Variants in STRIP1 observed in about 807,000 individuals in gnomAD.
STRIP1 encodes the protein striatin-interacting protein 1.
STRIP1 carries 63 observed loss-of-function variants against 106.2 expected under a neutral mutation model. That is an observed-to-expected ratio of 0.59 (90% CI 0.48 to 0.73). The LOEUF is 0.73. STRIP1 is among the 30% of genes least tolerant of loss of function. STRIP1 has a pLI of 0.00. For synonymous variants in STRIP1, 390 were observed against 413.0 expected (o/e 0.94, Z 0.67); for missense variants, 857 against 1,074.8 (o/e 0.80, Z 2.83).
chr1:110,042,357 C>T (rs997072516), intron 8 of STRIP1, among the ~76,000 whole-genome samples: 8 of 152,188 alleles, frequency 5.3e-5, no homozygotes, highest in Non-Finnish European at 1.0e-4. Context: ...GGGCTTGGAG[C>T]GTTGTTAGCA....
chr1:110,049,689 G>A, intron 17 of STRIP1, 129 bp downstream of exon 17: 1 of 648,686 alleles, frequency 1.5e-6, no homozygotes, highest in Non-Finnish European at 2.7e-6. Flanking sequence ...AAGACATAAA[G>A]ATAAATGAGA....
chr1:110,041,500 C>CCG, intron 6 of STRIP1, 36 bp from the exon 7 acceptor site: 2 of 1,532,814 alleles, frequency 1.3e-6, no homozygotes, highest in African/African-American at 1.4e-5. Flanking sequence ...TTGACCCCCC[C>CCG]ATCCCACTCC....
chr1:110,051,919 GGA>G (rs777914045), intron 20 of STRIP1, 32 bp downstream of exon 20: 1 of 1,605,902 alleles, frequency 6.2e-7, no homozygotes, highest in Non-Finnish European at 8.5e-7. Context: ...GATTTGGGTG[GGA>G]GTGTGTCGGG....
In STRIP1 at chr1:110,043,308, C is replaced by G. The variant is rs183556740; in HGVS notation, c.1068+38C>G. The G allele has an allele frequency of 2.5e-6, 4 of 1,594,464 alleles. No individual in the cohort carries two copies. In the South Asian group the frequency reaches 3.3e-5, roughly 13 times the overall value. ...GAGGTCCCTGTGACTCCTGAGGGCC[C>G]TCAAGGTGCATGCTTGCAGCAGCAC... On this transcript the variant is annotated intron_variant, in intron 9 of 20. Transcript: ENST00000369795.
Position 110,043,596 on chromosome 1 carries a change from G to A in STRIP1, c.1069-43G>A, listed in dbSNP as rs779505794. Reference sequence around the variant, plus strand: ...CTCTGGCTGCACTTCCCTGGTCTGCGTCCTCAGTTGGCTCTTGTCTCATCT... The same window carrying A: ...CTCTGGCTGCACTTCCCTGGTCTGCATCCTCAGTTGGCTCTTGTCTCATCT... On this transcript the variant is annotated intron_variant, in intron 9 of 20. Transcript: ENST00000369795. The A allele has an allele frequency of 2.4e-5, 37 of 1,551,752 alleles. 1 individual carries two copies. Among genetic ancestry groups the A allele is most frequent in the South Asian group, 1.8e-4 (16 of 87,672 alleles).
At chr1:110,038,362 T>G (rs1652596746) in intron 2 of STRIP1, 1 of 278,224 alleles carries the variant, frequency 3.6e-6, no homozygotes, top group South Asian at 5.7e-5. Flanking sequence ...TTCTCCAGCC[T>G]CTACAATACA....
rs144953868 is a variant in STRIP1 at position 110,049,914 on chromosome 1, A to G, written c.1889+354A>G. The G allele has an allele frequency of 7.8e-5, 24 of 306,958 alleles. No homozygotes were observed. The East Asian group carries it at 1.5e-3, about 19-fold the overall frequency. 19.0% of individuals were successfully genotyped at this position (306,958 alleles called of 1,614,324 possible). On this transcript the variant is annotated intron_variant, in intron 17 of 20. Coordinates refer to ENST00000369795, the MANE Select transcript of STRIP1 (RefSeq NM_033088.4). ...TCGGCCATGTGCCTTGTAATGCCCT[A>G]TCTGCTGACTCTTAGCCCCTGCTGT...
upstream of STRIP1, chr1:110,034,566 T>G: frequency 6.9e-7 from 1 of 1,440,602 alleles, no homozygotes; most frequent in Non-Finnish European, 9.1e-7. Context: ...GGAAATTTCC[T>G]GGAGAAAATC....
At chr1:110,042,416 G>A (rs1570918947) in intron 8 of STRIP1, among the ~76,000 whole-genome samples, 1 of 152,194 alleles carries the variant, frequency 6.6e-6, no homozygotes, top group Non-Finnish European at 1.5e-5. Flanking sequence ...ATGGGGAGGC[G>A]GTGGAGGTGA....
At chr1:110,052,277 G>T (rs536726912) in intron 20 of STRIP1, among the ~76,000 whole-genome samples, 9 of 151,950 alleles carry the variant, frequency 5.9e-5, no homozygotes, top group Non-Finnish European at 1.2e-4. Flanking sequence ...TTTTTACTTT[G>T]ATGTTTTTTA....
rs1653038227 is a variant in STRIP1, at chr1:110,046,722, G to A, written c.1459G>A (p.Glu487Lys). 2 of 1,613,308 alleles carry A rather than the reference G, an allele frequency of 1.2e-6. No homozygotes were observed. Among genetic ancestry groups the A allele is most frequent in the Non-Finnish European group, 1.7e-6 (2 of 1,179,602 alleles). ...SIAEVQAQME[E>K]EYLRSPLSGG... ...TGCAGAGGTCCAGGCACAGATGGAG[G>A]AGGAATACCTCCGCTCCCCTCTCTC... Residue 487 changes from glutamate (E) to lysine (K), a missense_variant, in exon 13 of 21, where the codon GAG becomes AAG. This residue lies in a region of STRIP1 where 750 missense variants were observed against 989.8 expected (regional missense o/e 0.76). Coordinates refer to ENST00000369795, the MANE Select transcript of STRIP1 (RefSeq NM_033088.4).
upstream of STRIP1, among the ~76,000 whole-genome samples, chr1:110,033,831 A>G (rs988124989): frequency 3.9e-5 from 6 of 152,258 alleles, no homozygotes; most frequent in African/African-American, 1.4e-4. Context: ...GCTTTCAGCA[A>G]TAATCCTGTT....
intron 6 of STRIP1, 27 bp from the exon 7 acceptor site, chr1:110,041,509 C>G (rs1570917804): frequency 1.3e-6 from 2 of 1,579,992 alleles, no homozygotes; most frequent in South Asian, 1.1e-5. Flanking sequence ...CCATCCCACT[C>G]CATTGTGAGC....
At chr1:110,037,126 C>T (rs533504854) in intron 1 of STRIP1, among the ~76,000 whole-genome samples, 5 of 152,266 alleles carry the variant, frequency 3.3e-5, no homozygotes, top group East Asian at 1.9e-4. Context: ...TGAGCCACCT[C>T]GCCTGGCCAT....
chr1:110,050,424 TCTC>T lies in STRIP1; in HGVS notation c.1956+19_1956+21del. On this transcript the variant is annotated intron_variant, in intron 18 of 20. Coordinates refer to ENST00000369795, the MANE Select transcript of STRIP1 (RefSeq NM_033088.4). ...CGGAGAGTTTGGTGAGTGGCTGGGCTCTCCTCAGCTGTCCTTTTGGCACCAGGG... is the reference window on the plus strand; with the variant it reads ...CGGAGAGTTTGGTGAGTGGCTGGGCTCTCAGCTGTCCTTTTGGCACCAGGG... The T allele has an allele frequency of 6.2e-7, 1 of 1,613,462 alleles. No homozygotes were observed.
At chr1:110,053,231 G>A (rs1371951734) in intron 20 of STRIP1, among the ~76,000 whole-genome samples, 1 of 152,192 alleles carries the variant, frequency 6.6e-6, no homozygotes, top group Non-Finnish European at 1.5e-5. Context: ...TGCGTTTCTG[G>A]AATATACCAC....
intron 12 of STRIP1, among the ~76,000 whole-genome samples, chr1:110,045,926 T>C (rs936754234): frequency 1.3e-5 from 2 of 152,232 alleles, no homozygotes; most frequent in African/African-American, 4.8e-5. Context: ...CGCAAACCCC[T>C]GTCCCTCCAC....
chr1:110,053,089 C>A (rs1653378419), intron 20 of STRIP1, among the ~76,000 whole-genome samples: 1 of 152,244 alleles, frequency 6.6e-6, no homozygotes, highest in Non-Finnish European at 1.5e-5. Context: ...GCTCCAGGCA[C>A]AGGGAGTGCT....
rs1652544320 is a variant in STRIP1, at chr1:110,038,010, T to C, written c.250+50T>C. 2.5e-6 allele frequency: 3 copies of C among 1,201,892 alleles called. No individual in the cohort carries two copies. In the East Asian group the frequency reaches 7.2e-5, roughly 29 times the overall value. 74.5% of individuals were successfully genotyped at this position (1,201,892 alleles called of 1,614,324 possible). On this transcript the variant is annotated intron_variant, in intron 2 of 20. Transcript: ENST00000369795. ...TTGGGGGTGGTTTTTTCCTTATTGG[T>C]CTTTAATAAAATTAATAATGAATAT...
Sources: gnomAD v4.1 joint callset for allele counts (sites outside exome capture counted in the v4.1 genomes callset) on GRCh38, gnomAD v4.1.1 for gene constraint, gnomAD v4.1.1 regional missense constraint, MANE v1.5 for transcripts, NCBI Gene and HGNC (gene_info 2026-07-23, HGNC 2026-07-21) for gene names.